The following APBA1 variants were observed in gnomAD, a reference collection of about 807,000 sequenced individuals.
APBA1 encodes the protein amyloid beta precursor protein binding family A member 1, also known as amyloid-beta A4 precursor protein-binding family A member 1.
APBA1 carries 55 observed loss-of-function variants against 86.6 expected under a neutral mutation model. That is an observed-to-expected ratio of 0.64 (90% CI 0.51 to 0.80). The LOEUF (loss-of-function observed/expected upper bound fraction) is 0.80, where lower values mean the gene tolerates loss of function less well. APBA1 is among the 30% of genes least tolerant of loss of function. The pLI is 0.00. For missense variants in APBA1, 1,090 were observed against 1,183.0 expected, an observed-to-expected ratio of 0.92 and a Z score of 1.15; for synonymous variants, 511 against 493.9, an observed-to-expected ratio of 1.03 and a Z score of -0.46.
At chr9:69,652,870 G>A (rs931922243) in intron 1 of APBA1, among the ~76,000 whole-genome samples, 13 of 151,950 alleles carry the variant, frequency 8.6e-5, no homozygotes, top group Admixed American at 2.0e-4. Flanking sequence ...TGGTATGCGC[G>A]CCTGTAGTCC....
At chr9:69,511,343 C>A (rs1240170265) in intron 2 of APBA1, among the ~76,000 whole-genome samples, 1 of 152,184 alleles carries the variant, frequency 6.6e-6, no homozygotes, top group East Asian at 1.9e-4. Context: ...CACTGGCCAT[C>A]AGAGAAATGC....
At chr9:69,442,424 G>A (rs537698775) in intron 10 of APBA1, among the ~76,000 whole-genome samples, 10 of 152,252 alleles carry the variant, frequency 6.6e-5, no homozygotes, top group East Asian at 1.9e-4. Context: ...CTGGGAAACC[G>A]CTCAAGTTCA....
intron 1 of APBA1, among the ~76,000 whole-genome samples, chr9:69,626,141 G>A (rs1461951889): frequency 6.6e-6 from 1 of 152,166 alleles, no homozygotes; most frequent in Non-Finnish European, 1.5e-5. Flanking sequence ...TCTAAATGTG[G>A]TTCACAAGCT....
chr9:69,516,285 C>A lies in APBA1; in HGVS notation c.926G>T (p.Gly309Val), dbSNP rs775422671. Residue 309 changes from glycine to valine, a missense_variant, in exon 2 of 13, where the codon GGT (glycine) becomes GTT (valine). Around this residue, in one of 6 missense-constraint regions of APBA1, gnomAD observed 678 missense variants for 647.1 expected, o/e 1.05. Transcript: ENST00000265381. The surrounding 1 kb of genome is among the most constrained non-coding windows in gnomAD (Gnocchi z 7.3). ...CTGCAGCCCGGGGCTGTCGGGGCGA[C>A]CCCCGGCCGGGGTAGGGGGACGCTC... The part of the protein sequence containing the change: ...DLERPPTPAG[G>V]RPDSPGLQAP... 6.7e-7 allele frequency: 1 copy of A among 1,498,910 alleles called. No individual in the cohort carries two copies. Among genetic ancestry groups the A allele is most frequent in the Non-Finnish European group, 8.9e-7 (1 of 1,129,856 alleles). The allele number at this position is 1,498,910 out of a possible 1,614,324, so 92.9% of individuals were successfully genotyped here.
At chr9:69,566,661 TCTC>T (rs748090574) in intron 1 of APBA1, among the ~76,000 whole-genome samples, 84 of 152,152 alleles carry the variant, frequency 5.5e-4, no homozygotes, top group Non-Finnish European at 1.1e-3. Flanking sequence ...CTCCTAAAAC[TCTC>T]CTTTCTCAAG....
chr9:69,431,231 G>T lies in APBA1; in HGVS notation c.*96C>A. On this transcript the variant is annotated 3_prime_UTR_variant, in exon 13 of 13. Transcript: ENST00000265381. Reference sequence around the variant, plus strand: ...CTGTGTAAAACCAAATGCTGGGCGCGAGAGGGGAAAGTCTCAGTGGACACA... The same window carrying T: ...CTGTGTAAAACCAAATGCTGGGCGCTAGAGGGGAAAGTCTCAGTGGACACA... The T allele has an allele frequency of 1.1e-6, 1 of 920,120 alleles. No homozygotes were observed. The highest frequency in any genetic ancestry group is 1.6e-6 in the Non-Finnish European group (1 of 622,774). 57.0% of individuals were successfully genotyped at this position (920,120 alleles called of 1,614,324 possible).
intron 2 of APBA1, among the ~76,000 whole-genome samples, chr9:69,491,746 A>G (rs897386735): frequency 2.7e-5 from 4 of 149,022 alleles, no homozygotes; most frequent in Non-Finnish European, 5.9e-5. Context: ...ACATAGTTAC[A>G]TTTCATTTAT....
intron 2 of APBA1, among the ~76,000 whole-genome samples, chr9:69,487,446 C>T (rs1835630061): frequency 1.3e-5 from 2 of 152,034 alleles, no homozygotes; most frequent in Admixed American, 1.3e-4. Flanking sequence ...CACAGAAAGT[C>T]ACAAATGAGC....
At chr9:69,460,752 CAG>C (rs1361803827) in intron 5 of APBA1, 1 of 148,942 alleles carries the variant, frequency 6.7e-6, no homozygotes, top group African/African-American at 2.5e-5. Context: ...TTTTTTGAGA[CAG>C]AGTCTCGCTC....
intron 1 of APBA1, among the ~76,000 whole-genome samples, chr9:69,546,442 G>T (rs1335146525): frequency 6.6e-6 from 1 of 152,176 alleles, no homozygotes; most frequent in Non-Finnish European, 1.5e-5. Context: ...GGAAGACCAA[G>T]AAAACTGGAG....
intron 1 of APBA1, among the ~76,000 whole-genome samples, chr9:69,628,845 C>T (rs894734758): frequency 6.6e-6 from 1 of 152,114 alleles, no homozygotes; most frequent in Non-Finnish European, 1.5e-5. Context: ...ATTAAATCTC[C>T]ATACCTGTGA....
chr9:69,468,651 A>T (rs1414333930), intron 4 of APBA1, among the ~76,000 whole-genome samples: 2 of 152,258 alleles, frequency 1.3e-5, no homozygotes, highest in Non-Finnish European at 2.9e-5. Context: ...ACACATAGAC[A>T]GATTCCAAGG....
intron 1 of APBA1, among the ~76,000 whole-genome samples, chr9:69,519,758 G>T (rs1836223181): frequency 1.3e-5 from 2 of 152,182 alleles, no homozygotes; most frequent in African/African-American, 4.8e-5. Context: ...CAGGGAAAAT[G>T]GCTGTTCTTT....
intron 1 of APBA1, among the ~76,000 whole-genome samples, chr9:69,586,821 AC>A (rs1417346519): frequency 6.6e-6 from 1 of 152,074 alleles, no homozygotes; most frequent in African/African-American, 2.4e-5. Flanking sequence ...ACAACTAACA[AC>A]CCCAAATAAG....
At chr9:69,610,800 G>A (rs1057111724) in intron 1 of APBA1, among the ~76,000 whole-genome samples, 3 of 152,082 alleles carry the variant, frequency 2.0e-5, no homozygotes, top group Admixed American at 6.5e-5. Flanking sequence ...GGCATGCCAG[G>A]TTCTCCAGGA....
chr9:69,536,586 G>A lies in APBA1; in HGVS notation c.-69-19307C>T, dbSNP rs551501178. On this transcript the variant is annotated intron_variant, in intron 1 of 12. Transcript: ENST00000265381. ...AGTGGCATTAAGAACATTCACATAG[G>A]CTGGGTGCAGTAGCTCATGCCTGTA... 5.0e-4 allele frequency among the ~76,000 whole-genome samples: 75 copies of A among 151,326 alleles called. No homozygotes were observed. The South Asian group carries it at 0.016, about 32-fold the overall frequency.
chr9:69,431,514 T>G, intron 12 of APBA1, 116 bp from the exon 13 acceptor site: 2 of 848,162 alleles, frequency 2.4e-6, no homozygotes, highest in Non-Finnish European at 3.6e-6. Context: ...TTGAAGATAC[T>G]CCCTACCGCC....
intron 2 of APBA1, among the ~76,000 whole-genome samples, chr9:69,482,914 A>G (rs1239574959): frequency 6.9e-6 from 1 of 144,508 alleles, no homozygotes; most frequent in Non-Finnish European, 1.5e-5. Flanking sequence ...GTGGGAATTG[A>G]ACAATGAGAT....
At chr9:69,528,681 A>G (rs1249039818) in intron 1 of APBA1, among the ~76,000 whole-genome samples, 2 of 152,022 alleles carry the variant, frequency 1.3e-5, no homozygotes, top group Non-Finnish European at 2.9e-5. Context: ...CTCTATTGCT[A>G]CACTACACTA....
Sources: allele counts gnomAD v4.1 joint callset (sites outside exome capture counted in the v4.1 genomes callset), GRCh38; gene constraint gnomAD v4.1.1; regional missense constraint gnomAD v4.1.1; non-coding constraint Gnocchi (gnomAD v3.1); transcripts MANE v1.5; gene names NCBI Gene and HGNC (gene_info 2026-07-23, HGNC 2026-07-21).